SAMD4A: variants seen among roughly 807,000 people sequenced by gnomAD.
SAMD4A encodes sterile alpha motif domain containing 4A, also known as protein Smaug homolog 1.
Under a neutral mutation model 81.3 loss-of-function variants are expected in SAMD4A, and 33 were observed. The observed-to-expected ratio is 0.41, with a 90% CI of 0.31 to 0.54. The LOEUF (loss-of-function observed/expected upper bound fraction) is 0.54. SAMD4A is among the 20% of genes least tolerant of loss of function. The pLI, the probability that SAMD4A is intolerant of heterozygous loss-of-function variation, is 0.37. For missense variants in SAMD4A, 854 were observed against 951.1 expected (o/e 0.90, Z 1.34); for synonymous variants, 389 against 382.1 (o/e 1.02, Z -0.21).
At chr14:54,607,786 C>T (rs1315712987) in intron 2 of SAMD4A, among the ~76,000 whole-genome samples, 2 of 152,004 alleles carry the variant, frequency 1.3e-5, no homozygotes, top group Admixed American at 1.3e-4. Context: ...ATAATAATTT[C>T]TGTATTGCTT....
chr14:54,786,293 T>C (rs1347354658), intron 12 of SAMD4A, among the ~76,000 whole-genome samples: 1 of 152,182 alleles, frequency 6.6e-6, no homozygotes, highest in Non-Finnish European at 1.5e-5. Flanking sequence ...GATAGACTAA[T>C]CTACTGGGAC....
At chr14:54,639,717 C>T (rs760215285) in intron 2 of SAMD4A, among the ~76,000 whole-genome samples, 9 of 152,036 alleles carry the variant, frequency 5.9e-5, no homozygotes, top group African/African-American at 1.2e-4. Context: ...TAGCACTGTA[C>T]TGTCATTTCT....
chr14:54,730,292 G>A (rs907094468), intron 3 of SAMD4A, among the ~76,000 whole-genome samples: 2 of 152,186 alleles, frequency 1.3e-5, no homozygotes, highest in Non-Finnish European at 2.9e-5. Flanking sequence ...GGGGGAAAGA[G>A]GAAGTTAGCT....
intron 7 of SAMD4A, among the ~76,000 whole-genome samples, chr14:54,763,484 T>C (rs2038458159): frequency 6.6e-6 from 1 of 152,154 alleles, no homozygotes; most frequent in Non-Finnish European, 1.5e-5. Flanking sequence ...TTTAACAAAG[T>C]CCCAATTAAT....
chr14:54,787,149 A>G (rs2039162140), intron 12 of SAMD4A, among the ~76,000 whole-genome samples: 1 of 152,192 alleles, frequency 6.6e-6, no homozygotes, highest in Non-Finnish European at 1.5e-5. Context: ...GCACAGTGAA[A>G]GAGGTTCCAA....
At chr14:54,679,166 G>T (rs1051617770) in intron 2 of SAMD4A, among the ~76,000 whole-genome samples, 4 of 152,180 alleles carry the variant, frequency 2.6e-5, no homozygotes, top group Admixed American at 1.3e-4. Flanking sequence ...ATAGCAGGAG[G>T]TCAAATATTT....
At chr14:54,679,846 A>G (rs1233003934) in intron 2 of SAMD4A, among the ~76,000 whole-genome samples, 1 of 152,208 alleles carries the variant, frequency 6.6e-6, no homozygotes, top group Non-Finnish European at 1.5e-5. Context: ...TCTGCTCATC[A>G]AATCCATTTC....
chr14:54,774,968 G>T lies in SAMD4A; in HGVS notation c.1750G>T (p.Ala584Ser). 6.2e-7 allele frequency: 1 copy of T among 1,614,214 alleles called. No homozygotes were observed. The highest frequency in any genetic ancestry group is 1.6e-4 in the Middle Eastern group (1 of 6,062). ...TGGGCAATCCAACTCCCTCCCGACG[G>T]CTGGCTCTGTGGGCGGTGGCATGGG... ...GFGQSNSLPT[A>S]GSVGGGMGRR... is the part of the protein sequence containing the mutation. The change falls in exon 10 of 13, where the codon GCT (alanine) becomes TCT (serine). Residue 584 changes from alanine to serine, a missense_variant. Transcript: ENST00000554335.
chr14:54,757,652 G>C (rs565629277), intron 6 of SAMD4A, among the ~76,000 whole-genome samples: 1 of 152,204 alleles, frequency 6.6e-6, no homozygotes, highest in Non-Finnish European at 1.5e-5. Context: ...GACAGCAGCT[G>C]CATGGGATGG....
chr14:54,623,482 G>GAAAAAAAAAAA (rs1566552666), intron 2 of SAMD4A, among the ~76,000 whole-genome samples: 1 of 4,082 alleles, frequency 2.4e-4, no homozygotes, highest in Non-Finnish European at 5.0e-4. Context: ...TTGGACATCA[G>GAAAAAAAAAAA]CAAAAAAAAA....
chr14:54,755,516 A>T (rs1044540326), intron 6 of SAMD4A, among the ~76,000 whole-genome samples: 1 of 152,304 alleles, frequency 6.6e-6, no homozygotes, highest in South Asian at 2.1e-4. Flanking sequence ...AACACAGGCT[A>T]TGCTCGCCCA....
At chr14:54,621,018 A>G (rs2034601970) in intron 2 of SAMD4A, among the ~76,000 whole-genome samples, 1 of 152,158 alleles carries the variant, frequency 6.6e-6, no homozygotes, top group Non-Finnish European at 1.5e-5. Flanking sequence ...GTGAGCCTCC[A>G]TCCTTGGCCT....
chr14:54,692,880 C>CCCCG (rs1555343996), intron 2 of SAMD4A: 3 of 144,092 alleles, frequency 2.1e-5, no homozygotes, highest in Non-Finnish European at 3.1e-5. Context: ...CTTAGTGCCC[C>CCCCG]CCCCCGCAAA....
At chr14:54,748,357 T>C (rs932376561) in intron 4 of SAMD4A, among the ~76,000 whole-genome samples, 6 of 152,228 alleles carry the variant, frequency 3.9e-5, no homozygotes, top group African/African-American at 1.4e-4. Context: ...CTTGAGGTCA[T>C]AGTCTGCTCA....
intron 2 of SAMD4A, among the ~76,000 whole-genome samples, chr14:54,579,357 A>G (rs1388029871): frequency 6.6e-6 from 1 of 152,268 alleles, no homozygotes; most frequent in Non-Finnish European, 1.5e-5. Context: ...GAGGAAACTT[A>G]GGTTTAGAGT....
rs941229345 is a variant in SAMD4A, at chr14:54,754,930, T to C, written c.1176+3393T>C. On this transcript the variant is annotated intron_variant, in intron 6 of 12. Transcript: ENST00000554335. ...ATACATGGTTCCTGCAATGGGGAGC[T>C]GGGGACGTGCATTGGGACAGTTAGA... is the stretch of plus-strand genomic sequence containing the variant. 2.1e-5 allele frequency: 17 copies of C among 800,444 alleles called. No individual in the cohort carries two copies. The African/African-American group carries it at 2.8e-4, about 13-fold the overall frequency. The allele number at this position is 800,444 out of a possible 1,614,324, so 49.6% of individuals were successfully genotyped here.
At chr14:54,655,100 A>G (rs1284879093) in intron 2 of SAMD4A, among the ~76,000 whole-genome samples, 2 of 152,148 alleles carry the variant, frequency 1.3e-5, no homozygotes, top group Non-Finnish European at 2.9e-5. Flanking sequence ...CATGTATTTT[A>G]TGGATGACCT....
intron 3 of SAMD4A, among the ~76,000 whole-genome samples, chr14:54,720,178 T>C (rs1056198002): frequency 2.8e-4 from 42 of 152,186 alleles, no homozygotes; most frequent in Non-Finnish European, 5.1e-4. Flanking sequence ...CCGAGAGTTC[T>C]TTTTTGTCTT....
chr14:54,713,105 A>AT (rs199746231), intron 3 of SAMD4A, among the ~76,000 whole-genome samples: 122 of 151,730 alleles, frequency 8.0e-4, no homozygotes, highest in Middle Eastern at 3.4e-3. Flanking sequence ...GCATTTACTG[A>AT]TTTTTTTTTC....
Sources: allele counts gnomAD v4.1 joint callset (sites outside exome capture counted in the v4.1 genomes callset), GRCh38; gene constraint gnomAD v4.1.1; transcripts MANE v1.5; gene names NCBI Gene and HGNC (gene_info 2026-07-23, HGNC 2026-07-21).